The following FAM78B variants were observed in gnomAD, a reference collection of about 807,000 sequenced individuals.
FAM78B encodes the protein family with sequence similarity 78 member B, also known as protein FAM78B.
Under a neutral mutation model 20.0 loss-of-function variants are expected in FAM78B, and 10 were observed. That is an observed-to-expected ratio of 0.50 (90% confidence interval 0.31 to 0.85). The LOEUF is 0.85. FAM78B is among the 40% of genes least tolerant of loss of function. The pLI is 0.05. For missense variants in FAM78B, 283 were observed against 345.0 expected, an observed-to-expected ratio of 0.82 and a Z score of 1.42; for synonymous variants, 135 against 132.8, an observed-to-expected ratio of 1.02 and a Z score of -0.12.
At chr1:166,133,256 T>C (rs1372677894) in intron 1 of FAM78B, among the ~76,000 whole-genome samples, 1 of 152,164 alleles carries the variant, frequency 6.6e-6, no homozygotes, top group Non-Finnish European at 1.5e-5. Flanking sequence ...AGCTTCATGG[T>C]AGTACCGGAA....
intron 1 of FAM78B, among the ~76,000 whole-genome samples, chr1:166,093,692 T>C (rs1048412050): frequency 3.3e-5 from 5 of 151,936 alleles, no homozygotes; most frequent in African/African-American, 1.2e-4. Flanking sequence ...AGAATTCTGA[T>C]CAGCCGAGGC....
At position 166,091,484 on chromosome 1, in the gene FAM78B, G is replaced by C. The variant is rs1410129903; in HGVS notation, c.264-20721C>G. Among the ~76,000 whole-genome samples, 5 of 152,316 alleles carry C rather than the reference G, an allele frequency of 3.3e-5. No homozygotes were observed. In the East Asian group the frequency reaches 9.7e-4, roughly 29 times the overall value. ...CCTGCTGCCATCCAAGACGTGATTA[G>C]CTGCTCCTTGCCTTCCACCATGATT... On this transcript the variant is annotated intron_variant, in intron 1 of 1. Transcript: ENST00000354422.
At chr1:166,130,673 C>G (rs1654839359) in intron 1 of FAM78B, among the ~76,000 whole-genome samples, 1 of 152,146 alleles carries the variant, frequency 6.6e-6, no homozygotes, top group African/African-American at 2.4e-5. Flanking sequence ...TTGAGAAACC[C>G]TGAATACTTA....
chr1:166,148,805 CCA>C (rs796692850), intron 1 of FAM78B, among the ~76,000 whole-genome samples: 3 of 152,350 alleles, frequency 2.0e-5, no homozygotes, highest in African/African-American at 7.2e-5. Flanking sequence ...TGTCATCCCA[CCA>C]CAGAGTGGGT....
At chr1:166,124,344 C>T (rs996241516) in intron 1 of FAM78B, among the ~76,000 whole-genome samples, 1 of 152,188 alleles carries the variant, frequency 6.6e-6, no homozygotes, top group Non-Finnish European at 1.5e-5. Context: ...ATTGTAGTTA[C>T]TATAGAATAA....
chr1:166,158,573 T>C (rs1327285599), intron 1 of FAM78B, among the ~76,000 whole-genome samples: 1 of 152,172 alleles, frequency 6.6e-6, no homozygotes, highest in East Asian at 1.9e-4. Flanking sequence ...CTTCTCTTTC[T>C]TTTCCTTCCC....
intron 2 of FAM78B, chr1:166,060,677 T>A (rs767908007): frequency 2.3e-6 from 3 of 1,279,652 alleles, no homozygotes; most frequent in South Asian, 2.5e-5. Context: ...TATGTGGACA[T>A]GGAAACATGT....
At chr1:166,165,518 C>T (rs528535432) in intron 1 of FAM78B, among the ~76,000 whole-genome samples, 4 of 152,294 alleles carry the variant, frequency 2.6e-5, no homozygotes, top group Admixed American at 2.0e-4. Context: ...GCTCGGATGC[C>T]CGGGACCTGC....
downstream of FAM78B, among the ~76,000 whole-genome samples, chr1:166,067,073 C>T (rs148726113): frequency 1.1e-4 from 16 of 152,246 alleles, no homozygotes; most frequent in Non-Finnish European, 1.5e-4. Context: ...CTTTAAAGGA[C>T]GGATCCAATT....
At chr1:166,104,264 A>C (rs935434159) in intron 1 of FAM78B, among the ~76,000 whole-genome samples, 2 of 152,170 alleles carry the variant, frequency 1.3e-5, no homozygotes, top group African/African-American at 2.4e-5. Context: ...ATGGGCAAAA[A>C]CTAGAAGCAT....
At chr1:166,143,332 A>T (rs1196984577) in intron 1 of FAM78B, among the ~76,000 whole-genome samples, 1 of 151,996 alleles carries the variant, frequency 6.6e-6, no homozygotes, top group Non-Finnish European at 1.5e-5. Context: ...GGAACAGCAT[A>T]TTCAAAAGTC....
chr1:166,118,942 G>C (rs1333993623), intron 1 of FAM78B, among the ~76,000 whole-genome samples: 1 of 152,126 alleles, frequency 6.6e-6, no homozygotes, highest in Non-Finnish European at 1.5e-5. Flanking sequence ...GCAGACACCA[G>C]GACAGAGGGG....
chr1:166,066,101 G>C (rs760202976), downstream of FAM78B, among the ~76,000 whole-genome samples: 3 of 152,202 alleles, frequency 2.0e-5, no homozygotes, highest in African/African-American at 4.8e-5. Context: ...CATGTTGAGG[G>C]ACGGCGGGTG....
At chr1:166,056,403 C>T (rs1262308124), downstream of FAM78B, among the ~76,000 whole-genome samples, 1 of 152,148 alleles carries the variant, frequency 6.6e-6, no homozygotes, top group Admixed American at 6.5e-5. Flanking sequence ...GATCAGAGTG[C>T]AGGTGGTGGG....
chr1:166,093,780 A>C (rs762769982), intron 1 of FAM78B, among the ~76,000 whole-genome samples: 2 of 152,010 alleles, frequency 1.3e-5, no homozygotes, highest in African/African-American at 2.4e-5. Context: ...AAGCAATAAA[A>C]TTCGCAGTTG....
intron 1 of FAM78B, among the ~76,000 whole-genome samples, chr1:166,105,347 T>A (rs938462101): frequency 6.6e-6 from 1 of 151,882 alleles, no homozygotes; most frequent in African/African-American, 2.4e-5. Context: ...AAGCCAAAAT[T>A]GACAAATGGG....
At chr1:166,103,724 C>CA (rs1653641112) in intron 1 of FAM78B, among the ~76,000 whole-genome samples, 1 of 151,922 alleles carries the variant, frequency 6.6e-6, no homozygotes, top group African/African-American at 2.4e-5. Flanking sequence ...GCTTACAAAC[C>CA]AAAAAAAGTC....
Position 166,070,271 on chromosome 1 carries a change from C to A in FAM78B, c.756G>T (p.Gly252=), listed in dbSNP as rs376347688. ...AQVLMWRPKR[G]PPLVVIPPK ...TAGGAGGGATCACAACCAGAGGTGG[C>A]CCCCGCTTGGGCCTCCACATGAGGA... The change falls in exon 2 of 2, where the codon GGG becomes GGT. Residue 252 remains glycine, a synonymous_variant. Transcript: ENST00000354422. 1.3e-6 allele frequency: 2 copies of A among 1,553,370 alleles called. No individual in the cohort carries two copies. The highest frequency in any genetic ancestry group is 1.4e-5 in the African/African-American group (1 of 73,442).
rs1225876040 is a variant in FAM78B, at chr1:166,150,608, C to A, written c.263+15378G>T. On this transcript the variant is annotated intron_variant, in intron 1 of 1. Transcript: ENST00000354422. Reference sequence around the variant, plus strand: ...ATGTACAAAGTAAAATGTGAAAAAACTGCAAAAAGAGTTACGACCACACTA... The same window carrying A: ...ATGTACAAAGTAAAATGTGAAAAAAATGCAAAAAGAGTTACGACCACACTA... 2.0e-5 allele frequency among the ~76,000 whole-genome samples: 3 copies of A among 152,136 alleles called. No homozygotes were observed. In the East Asian group the frequency reaches 5.8e-4, roughly 29 times the overall value.
Sources: allele counts gnomAD v4.1 joint callset (sites outside exome capture counted in the v4.1 genomes callset), GRCh38; gene constraint gnomAD v4.1.1; transcripts MANE v1.5; gene names NCBI Gene and HGNC (gene_info 2026-07-23, HGNC 2026-07-21).